YTHDC1: variants seen among roughly 807,000 people sequenced by gnomAD.
The protein encoded by YTHDC1 is YTH N6-methyladenosine RNA binding protein C1.
In YTHDC1, 12 loss-of-function variants were observed where a neutral mutation model predicts 107.0. The observed-to-expected ratio is 0.11, with a 90% CI of 0.07 to 0.18. The LOEUF is 0.18. Ranked by LOEUF, YTHDC1 falls within the 10% of genes least tolerant of loss-of-function variation. The pLI, the probability that YTHDC1 is intolerant of heterozygous loss-of-function variation, is 1.00. For missense variants in YTHDC1, 635 were observed against 898.8 expected (o/e 0.71, Z 3.75); for synonymous variants, 280 against 289.5 (o/e 0.97, Z 0.33).
In YTHDC1 at chr4:68,349,856, G is replaced by C; in HGVS notation, c.-103C>G. On this transcript the variant is annotated 5_prime_UTR_variant, in exon 1 of 17. Coordinates refer to ENST00000344157, the MANE Select transcript of YTHDC1 (RefSeq NM_001031732.4). ...GAAGCACGGGCCCGTCCGTCAGTCC[G>C]TCTGCCCGGATACGCGCGTCGCACT... The C allele has an allele frequency of 6.5e-7, 1 of 1,539,640 alleles. No homozygotes were observed. Among genetic ancestry groups the C allele is most frequent in the Admixed American group, 1.7e-5 (1 of 57,580 alleles).
chr4:68,319,063 T>C (rs1722163079), intron 12 of YTHDC1, among the ~76,000 whole-genome samples: 1 of 152,188 alleles, frequency 6.6e-6, no homozygotes, highest in South Asian at 2.1e-4. Flanking sequence ...TATCATAGAA[T>C]TGTAAACTGC....
intron 15 of YTHDC1, among the ~76,000 whole-genome samples, chr4:68,317,901 T>C (rs1016657389): frequency 2.0e-5 from 3 of 152,266 alleles, no homozygotes; most frequent in Middle Eastern, 3.4e-3. Context: ...TGAGGAAAAC[T>C]AAGAGTTGTA....
In YTHDC1 at chr4:68,337,126, T is replaced by G. The variant is rs1287068156; in HGVS notation, c.784A>C (p.Asn262His). The G allele has an allele frequency of 4.3e-6, 7 of 1,613,782 alleles. No individual in the cohort carries two copies. The highest frequency in any genetic ancestry group is 5.9e-6 in the Non-Finnish European group (7 of 1,179,970). ...GCCTCACTTCGAGTGTCATAATCAT[T>G]TCCCTCCTCTTTCTGGTCTCTCTCA... The part of the protein sequence containing the change: ...QDERDQKEEG[N>H]DYDTRSEASD... Residue 262 changes from asparagine to histidine, a missense_variant, in exon 4 of 17, where the codon AAT becomes CAT. By Grantham distance (68) the Asn-to-His change is moderately conservative. Transcript: ENST00000344157.
Position 68,330,094 on chromosome 4 carries a change from T to C in YTHDC1, c.1257A>G (p.Ser419=), listed in dbSNP as rs1370532441. 1.2e-6 allele frequency: 2 copies of C among 1,613,472 alleles called. No individual in the cohort carries two copies. The highest frequency in any genetic ancestry group is 3.3e-5 in the Admixed American group (2 of 59,976). The change falls in exon 9 of 17, where the codon TCA becomes TCG. Residue 419 remains serine, a synonymous_variant. Transcript: ENST00000344157. The part of the protein sequence containing the change: ...FQGFARLSSE[S]HHGGSPIHWV... Reference sequence around the variant, plus strand: ...AGTGTATAGGAGATCCTCCGTGATGTGATTCTGAAGAAAGTCTTGCAAACC... The same window carrying C: ...AGTGTATAGGAGATCCTCCGTGATGCGATTCTGAAGAAAGTCTTGCAAACC...
chr4:68,342,212 C>G (rs1477825534), intron 1 of YTHDC1, among the ~76,000 whole-genome samples: 1 of 152,132 alleles, frequency 6.6e-6, no homozygotes, highest in East Asian at 1.9e-4. Flanking sequence ...TGGCTGCAGT[C>G]AAATGGGGCT....
chr4:68,311,393 CAATAA>C lies in YTHDC1; in HGVS notation c.*2701_*2705del, dbSNP rs1167572518. 4 of 151,988 alleles carry C rather than the reference CAATAA, an allele frequency of 2.6e-5. No individual in the cohort carries two copies. Among genetic ancestry groups the C allele is most frequent in the African/African-American group, 9.7e-5 (4 of 41,388 alleles). 9.4% of individuals were successfully genotyped at this position (151,988 alleles called of 1,614,324 possible). On this transcript the variant is annotated 3_prime_UTR_variant, in exon 17 of 17. Transcript: ENST00000344157. ...CACTCCTTTGAACTATTACTCCAGC[CAATAA>C]AATCCCTGACCGGATTTCTAAACTC...
chr4:68,315,473 T>G (rs183083878), intron 16 of YTHDC1, among the ~76,000 whole-genome samples: 1 of 152,116 alleles, frequency 6.6e-6, no homozygotes, highest in African/African-American at 2.4e-5. Context: ...TCAACCTAAG[T>G]AGGGAGTGGA....
At chr4:68,349,275 C>T (rs1233297425) in intron 1 of YTHDC1, among the ~76,000 whole-genome samples, 1 of 152,198 alleles carries the variant, frequency 6.6e-6, no homozygotes, top group Non-Finnish European at 1.5e-5. Context: ...AGATTAATAA[C>T]CTGCCAGTGC....
At chr4:68,314,454 G>A (rs1018821784) in intron 16 of YTHDC1, 131 bp from the exon 17 acceptor site, 8 of 722,042 alleles carry the variant, frequency 1.1e-5, no homozygotes, top group East Asian at 2.9e-5. Flanking sequence ...TATTATAATC[G>A]GCGGAGAGAA....
At chr4:68,336,128 T>C (rs1030390195) in intron 4 of YTHDC1, among the ~76,000 whole-genome samples, 4 of 150,230 alleles carry the variant, frequency 2.7e-5, no homozygotes, top group African/African-American at 9.7e-5. Context: ...ACTATATATA[T>C]AAAACAATGT....
chr4:68,348,653 G>T (rs867869635), intron 1 of YTHDC1, among the ~76,000 whole-genome samples: 2 of 152,066 alleles, frequency 1.3e-5, no homozygotes, highest in African/African-American at 4.8e-5. Context: ...ATTGAAGCAT[G>T]AAGACTCTCC....
At position 68,350,039 on chromosome 4, in the gene YTHDC1, CG is replaced by C; in HGVS notation, c.-287del. On this transcript the variant is annotated 5_prime_UTR_variant, in exon 1 of 17. Transcript: ENST00000344157. Reference sequence around the variant, plus strand: ...AAGGGAAACAGATGGCGACGGCGGGCGGCGCTAAAATGGAGCCTGCTTCCTG... The same window carrying C: ...AAGGGAAACAGATGGCGACGGCGGGCGCGCTAAAATGGAGCCTGCTTCCTG... 1.8e-6 allele frequency: 1 copy of C among 544,476 alleles called. No individual in the cohort carries two copies. Among genetic ancestry groups the C allele is most frequent in the Non-Finnish European group, 3.3e-6 (1 of 306,092 alleles). The allele number at this position is 544,476 out of a possible 1,614,324, so 33.7% of individuals were successfully genotyped here.
At position 68,330,021 on chromosome 4, in the gene YTHDC1, T is replaced by C. The variant is rs1276504204; in HGVS notation, c.1330A>G (p.Lys444Glu). The C allele has an allele frequency of 2.5e-6, 4 of 1,613,574 alleles. No individual in the cohort carries two copies. The highest frequency in any genetic ancestry group is 3.4e-6 in the Non-Finnish European group (4 of 1,179,582). ...MSAKMLGGVF[K>E]IDWICRRELP... is the part of the protein sequence containing the mutation. The stretch of plus-strand genomic sequence containing the variant: ...ATTTACCTGCAAATCCAGTCAATTT[T>C]AAAGACACCTCCCAGCATTTTAGCA... Residue 444 changes from lysine to glutamate, a missense_variant, in exon 9 of 17, where the codon AAA (lysine) becomes GAA (glutamate). Lys to Glu is a moderately conservative substitution (Grantham distance 56, BLOSUM62 1). Around this residue, in one of 5 missense-constraint regions of YTHDC1, gnomAD observed 60 missense variants for 172.0 expected, o/e 0.35. Coordinates refer to ENST00000344157, the MANE Select transcript of YTHDC1 (RefSeq NM_001031732.4).
At chr4:68,316,222 C>T in intron 16 of YTHDC1, 92 bp downstream of exon 16, 1 of 1,370,020 alleles carries the variant, frequency 7.3e-7, no homozygotes, top group Non-Finnish European at 9.9e-7. Context: ...ATGCAATGGT[C>T]CGTCAATCAT....
intron 12 of YTHDC1, among the ~76,000 whole-genome samples, chr4:68,319,720 T>C (rs1428264601): frequency 1.3e-5 from 2 of 152,104 alleles, no homozygotes; most frequent in Non-Finnish European, 2.9e-5. Context: ...TCCAAAGACA[T>C]AAAGATTTTT....
rs1335909721 is a variant in YTHDC1 at position 68,337,169 on chromosome 4, T to C, written c.741A>G (p.Glu247=). Reference sequence around the variant, plus strand: ...CTCTCTCATCCTGTTCATATTCTTCTTCTTCCTCCTCCTCCTCCTCCTCTT... The same window carrying C: ...CTCTCTCATCCTGTTCATATTCTTCCTCTTCCTCCTCCTCCTCCTCCTCTT... The part of the protein sequence containing the change: ...EEEEEEEEEE[E]EEYEQDERDQ... The change falls in exon 4 of 17, where the codon GAA becomes GAG. Residue 247 remains glutamate, a synonymous_variant. Transcript: ENST00000344157. 6.2e-7 allele frequency: 1 copy of C among 1,612,856 alleles called. No homozygotes were observed. The highest frequency in any genetic ancestry group is 8.5e-7 in the Non-Finnish European group (1 of 1,179,062).
chr4:68,346,764 T>C (rs954060906), intron 1 of YTHDC1, among the ~76,000 whole-genome samples: 3 of 152,224 alleles, frequency 2.0e-5, no homozygotes, highest in African/African-American at 7.2e-5. Context: ...GATGATGGCA[T>C]ACTGTAATGA....
In YTHDC1 at chr4:68,322,935, A is replaced by G. The variant is rs1490969889; in HGVS notation, c.1435-20T>C. Reference sequence around the variant, plus strand: ...AATTTCCTAGAATAGGAAAGTAGCAATTTATAAAACAAAAACAGACCCTTT... The same window carrying G: ...AATTTCCTAGAATAGGAAAGTAGCAGTTTATAAAACAAAAACAGACCCTTT... On this transcript the variant is annotated intron_variant, in intron 10 of 16. Transcript: ENST00000344157. The surrounding 1 kb of genome is among the most constrained non-coding windows in gnomAD (Gnocchi z 4.8). The G allele has an allele frequency of 2.5e-6, 4 of 1,608,962 alleles. No individual in the cohort carries two copies. The highest frequency in any genetic ancestry group is 3.4e-6 in the Non-Finnish European group (4 of 1,176,122).
At chr4:68,347,526 G>C (rs138951255) in intron 1 of YTHDC1, among the ~76,000 whole-genome samples, 13 of 152,246 alleles carry the variant, frequency 8.5e-5, no homozygotes, top group African/African-American at 3.1e-4. Flanking sequence ...TTATTACCCA[G>C]ATAAGTGCAA....
Sources: allele counts gnomAD v4.1 joint callset (sites outside exome capture counted in the v4.1 genomes callset), GRCh38; gene constraint gnomAD v4.1.1; regional missense constraint gnomAD v4.1.1; non-coding constraint Gnocchi (gnomAD v3.1); transcripts MANE v1.5; gene names NCBI Gene and HGNC (gene_info 2026-07-23, HGNC 2026-07-21).